Variants in CALHM3 observed in about 807,000 individuals in gnomAD.
CALHM3 encodes the protein calcium homeostasis modulator 3, also known as calcium homeostasis modulator protein 3.
A neutral mutation model predicts 13.6 loss-of-function variants in CALHM3; 9 were observed. The ratio of observed to expected loss-of-function variants is 0.66; its 90% CI spans 0.40 to 1.15. The LOEUF (loss-of-function observed/expected upper bound fraction) is 1.15, where lower values mean the gene tolerates loss of function less well. CALHM3 is among the 50% of genes most tolerant of loss of function. CALHM3 has a pLI of 0.01. For missense variants in CALHM3, 497 were observed against 463.4 expected, an observed-to-expected ratio of 1.07 and a Z score of -0.67; for synonymous variants, 231 against 213.2, an observed-to-expected ratio of 1.08 and a Z score of -0.73.
Position 103,473,429 on chromosome 10 carries a change from C to CACTGCGGGGGGCTCAGGG in CALHM3, c.818_819insCCCTGAGCCCCCCGCAGT (p.Ala272_Pro277dup). ...TATCCAGGCCTTCTGGGGGCTCAGG[C>CACTGCGGGGGGCTCAGGG]ACTGCGGGGAGCTCGAGTCTCCTGC... On this transcript the variant is annotated inframe_insertion, in exon 3 of 3. Transcript: ENST00000369783. 6.6e-7 allele frequency: 1 copy of CACTGCGGGGGGCTCAGGG among 1,525,724 alleles called. No individual in the cohort carries two copies. The highest frequency in any genetic ancestry group is 1.4e-5 in the African/African-American group (1 of 72,854). 94.5% of individuals were successfully genotyped at this position (1,525,724 alleles called of 1,614,324 possible).
In CALHM3 at chr10:103,479,189, G is replaced by T. The variant is rs1268150646; in HGVS notation, c.-157C>A. On this transcript the variant is annotated 5_prime_UTR_variant, in exon 1 of 3. In the 5' UTR this introduces an upstream ATG that the reference lacks. Transcript: ENST00000369783. ...GGGGCCAAGGAGGAAGCAGTGCCCA[G>T]GCCCCAGCCCAGGCTCCCGGGATCC... 9.5e-6 allele frequency: 8 copies of T among 837,778 alleles called. No homozygotes were observed. The highest frequency in any genetic ancestry group is 1.7e-5 in the African/African-American group (1 of 57,910). 51.9% of individuals were successfully genotyped at this position (837,778 alleles called of 1,614,324 possible). A position where few individuals can be genotyped will look rare whatever the true frequency, so the allele number is the denominator to read the frequency against.
intron 2 of CALHM3, among the ~76,000 whole-genome samples, chr10:103,474,701 C>T (rs773729524): frequency 2.6e-5 from 4 of 152,118 alleles, no homozygotes; most frequent in South Asian, 2.1e-4. Flanking sequence ...GTGATCCACC[C>T]GCCTCGGCCT....
rs1047479213 is a variant in CALHM3, at chr10:103,479,126, A to G, written c.-94T>C. ...CTGCTGTGCTGGGGACGAGCCTGGG[A>G]TCTGCAAGAGGTTCTCTCTCTGCTT... On this transcript the variant is annotated 5_prime_UTR_variant, in exon 1 of 3. Transcript: ENST00000369783. 7 of 1,355,812 alleles carry G rather than the reference A, an allele frequency of 5.2e-6. No homozygotes were observed. Among genetic ancestry groups the G allele is most frequent in the Non-Finnish European group, 7.0e-6 (7 of 1,005,504 alleles). 84.0% of individuals were successfully genotyped at this position (1,355,812 alleles called of 1,614,324 possible).
chr10:103,478,489 C>G (rs2033415866), intron 1 of CALHM3, among the ~76,000 whole-genome samples: 1 of 152,206 alleles, frequency 6.6e-6, no homozygotes, highest in Non-Finnish European at 1.5e-5. Flanking sequence ...ATGTTTACAG[C>G]ACTGGCCACG....
In CALHM3 at chr10:103,473,564, G is replaced by A. The variant is rs1462647186; in HGVS notation, c.684C>T (p.Asp228=). The part of the protein sequence containing the change: ...NYVDLEQKLF[D]ETCCEHARDF... ...CCCGCGCATGCTCACAGCAGGTCTC[G>A]TCGAAGAGCTTCTGCTCCAGGTCCA... The change falls in exon 3 of 3, where the codon GAC becomes GAT. Residue 228 remains aspartate, a synonymous_variant. Coordinates refer to ENST00000369783, the MANE Select transcript of CALHM3 (RefSeq NM_001129742.2). The A allele has an allele frequency of 1.3e-6, 2 of 1,551,188 alleles. No homozygotes were observed. Among genetic ancestry groups the A allele is most frequent in the Non-Finnish European group, 1.7e-6 (2 of 1,147,038 alleles).
At chr10:103,476,678 C>T (rs1033050982) in intron 1 of CALHM3, 129 bp from the exon 2 acceptor site, 4 of 1,156,512 alleles carry the variant, frequency 3.5e-6, no homozygotes, top group Non-Finnish European at 3.6e-6. Flanking sequence ...GTGTAGAGGT[C>T]CCAGTGACAG....
At position 103,473,159 on chromosome 10, in the gene CALHM3, T is replaced by C; in HGVS notation, c.*54A>G. ...ACGGCCTGGAAAGACTCCAGAACTT[T>C]GTCAGCGCGGCATTTCACCTGCGAA... On this transcript the variant is annotated 3_prime_UTR_variant, in exon 3 of 3. Coordinates refer to ENST00000369783, the MANE Select transcript of CALHM3 (RefSeq NM_001129742.2). The C allele has an allele frequency of 3.1e-6, 4 of 1,289,074 alleles. No individual in the cohort carries two copies. Among genetic ancestry groups the C allele is most frequent in the Non-Finnish European group, 3.9e-6 (4 of 1,012,912 alleles). The allele number at this position is 1,289,074 out of a possible 1,614,324, so 79.9% of individuals were successfully genotyped here. A position where few individuals can be genotyped will look rare whatever the true frequency, so the allele number is the denominator to read the frequency against.
chr10:103,473,113 G>A lies in CALHM3; in HGVS notation c.*100C>T, dbSNP rs1285100334. 2.5e-6 allele frequency: 3 copies of A among 1,206,232 alleles called. No homozygotes were observed. The East Asian group carries it at 9.4e-5, about 38-fold the overall frequency. 74.7% of individuals were successfully genotyped at this position (1,206,232 alleles called of 1,614,324 possible). On this transcript the variant is annotated 3_prime_UTR_variant, in exon 3 of 3. Coordinates refer to ENST00000369783, the MANE Select transcript of CALHM3 (RefSeq NM_001129742.2). ...TAAAAAGGAGGCTAACAAGACTTAG[G>A]GTGCCTGCCGTGGGGTCCCCACGGC...
chr10:103,473,156 C>G lies in CALHM3; in HGVS notation c.*57G>C. 1 of 1,288,790 alleles carries G rather than the reference C, an allele frequency of 7.8e-7. No homozygotes were observed. The highest frequency in any genetic ancestry group is 9.9e-7 in the Non-Finnish European group (1 of 1,012,802). The allele number at this position is 1,288,790 out of a possible 1,614,324, so 79.8% of individuals were successfully genotyped here. A position where few individuals can be genotyped will look rare whatever the true frequency, so the allele number is the denominator to read the frequency against. ...CCCACGGCCTGGAAAGACTCCAGAA[C>G]TTTGTCAGCGCGGCATTTCACCTGC... On this transcript the variant is annotated 3_prime_UTR_variant, in exon 3 of 3. Transcript: ENST00000369783.
At position 103,476,420 on chromosome 10, in the gene CALHM3, G is replaced by A. The variant is rs2033389206; in HGVS notation, c.417C>T (p.Asp139=). 1.3e-6 allele frequency: 2 copies of A among 1,551,750 alleles called. No individual in the cohort carries two copies. Among genetic ancestry groups the A allele is most frequent in the African/African-American group, 1.4e-5 (1 of 73,170 alleles). Residue 139 remains aspartate (D), a synonymous_variant, in exon 2 of 3, where the codon GAC becomes GAT. Coordinates refer to ENST00000369783, the MANE Select transcript of CALHM3 (RefSeq NM_001129742.2). ...CCTGGCTGGGGGTCATGTTGGCAAA[G>A]TCCAGAAACTTCTCAGGGTCCACAG... is the stretch of plus-strand genomic sequence containing the variant. ...SSSVDPEKFL[D]FANMTPSQVQ... is the part of the protein sequence containing the mutation.
chr10:103,479,056 G>T lies in CALHM3; in HGVS notation c.-24C>A, dbSNP rs770856123. 2.3e-5 allele frequency: 35 copies of T among 1,530,618 alleles called. No individual in the cohort carries two copies. In the African/African-American group the frequency reaches 4.3e-4, roughly 19 times the overall value. 94.8% of individuals were successfully genotyped at this position (1,530,618 alleles called of 1,614,324 possible). A position where few individuals can be genotyped will look rare whatever the true frequency, so the allele number is the denominator to read the frequency against. Reference sequence around the variant, plus strand: ...ATGGCTCCAGCCTGGGTGGGTGGGCGGCCGTCGGTTCGGCTCAGTGAGGCT... The same window carrying T: ...ATGGCTCCAGCCTGGGTGGGTGGGCTGCCGTCGGTTCGGCTCAGTGAGGCT... On this transcript the variant is annotated 5_prime_UTR_variant, in exon 1 of 3. Coordinates refer to ENST00000369783, the MANE Select transcript of CALHM3 (RefSeq NM_001129742.2).
In CALHM3 at chr10:103,472,906, T is replaced by A. The variant is rs2033337945; in HGVS notation, c.*307A>T. 3.1e-6 allele frequency: 1 copy of A among 323,326 alleles called. No homozygotes were observed. The highest frequency in any genetic ancestry group is 5.6e-6 in the Non-Finnish European group (1 of 178,682). The allele number at this position is 323,326 out of a possible 1,614,324, so 20.0% of individuals were successfully genotyped here. On this transcript the variant is annotated 3_prime_UTR_variant, in exon 3 of 3. Transcript: ENST00000369783. ...TAGATTCTTGCTACTCAAAGTTTGG[T>A]TCACTGACCAAAAGCACATCAGCCT... is the stretch of plus-strand genomic sequence containing the variant.
rs766523333 is a variant in CALHM3, at chr10:103,473,626, T to A, written c.622A>T (p.Thr208Ser). 5 of 1,551,086 alleles carry A rather than the reference T, an allele frequency of 3.2e-6. No individual in the cohort carries two copies. The highest frequency in any genetic ancestry group is 3.5e-6 in the Non-Finnish European group (4 of 1,146,968). Residue 208 changes from threonine to serine, a missense_variant, in exon 3 of 3, where the codon ACA becomes TCA. Physicochemically the swap from Thr to Ser is moderately conservative, Grantham distance 58. Coordinates refer to ENST00000369783, the MANE Select transcript of CALHM3 (RefSeq NM_001129742.2). ...CAGTATCTGCGCTGCAGGAAGACTG[T>A]CTGGTCGAAGCAGGGCCTCAGGCAG... ...ARCLRPCFDQ[T>S]VFLQRRYWSN...
chr10:103,475,871 C>T (rs184522667), intron 2 of CALHM3, among the ~76,000 whole-genome samples: 3 of 152,014 alleles, frequency 2.0e-5, no homozygotes, highest in Admixed American at 6.5e-5. Context: ...CTGGAGAGAG[C>T]CTGCATTGTT....
Position 103,472,886 on chromosome 10 carries a change from T to A in CALHM3, c.*327A>T. ...GAACCCATGGCAGATTTACTTAGAT[T>A]CTTGCTACTCAAAGTTTGGTTCACT... On this transcript the variant is annotated 3_prime_UTR_variant, in exon 3 of 3. Transcript: ENST00000369783. The A allele has an allele frequency of 3.4e-6, 1 of 291,986 alleles. No individual in the cohort carries two copies. 18.1% of individuals were successfully genotyped at this position (291,986 alleles called of 1,614,324 possible).
chr10:103,474,364 C>T (rs578108033), intron 2 of CALHM3, among the ~76,000 whole-genome samples: 2 of 152,314 alleles, frequency 1.3e-5, no homozygotes, highest in South Asian at 4.1e-4. Context: ...TTCATTCATG[C>T]TCTCATATGC....
chr10:103,476,953 C>A (rs2033397084), intron 1 of CALHM3, among the ~76,000 whole-genome samples: 1 of 152,184 alleles, frequency 6.6e-6, no homozygotes, highest in South Asian at 2.1e-4. Context: ...GAAAAGTTAA[C>A]CCCCAAATCA....
chr10:103,473,412 C>T lies in CALHM3; in HGVS notation c.836G>A (p.Gly279Asp). 6.7e-7 allele frequency: 1 copy of T among 1,492,368 alleles called. No homozygotes were observed. Among genetic ancestry groups the T allele is most frequent in the Non-Finnish European group, 8.9e-7 (1 of 1,127,380 alleles). 92.4% of individuals were successfully genotyped at this position (1,492,368 alleles called of 1,614,324 possible). ...ELPAVPEPPE[G>D]LDSGSGKAHL... ...GGCCTTCCCACTTCCACTATCCAGG[C>T]CTTCTGGGGGCTCAGGCACTGCGGG... Residue 279 changes from glycine (G) to aspartate (D), a missense_variant, in exon 3 of 3, where the codon GGC (glycine) becomes GAC (aspartate). Transcript: ENST00000369783.
At chr10:103,473,771 G>T (rs1053743756) in intron 2 of CALHM3, 67 bp from the exon 3 acceptor site, 4 of 1,413,862 alleles carry the variant, frequency 2.8e-6, no homozygotes, top group Non-Finnish European at 2.8e-6. Context: ...ATGTATTTAT[G>T]AATACGTATA....
Sources: allele counts gnomAD v4.1 joint callset (sites outside exome capture counted in the v4.1 genomes callset), GRCh38; gene constraint gnomAD v4.1.1; transcripts MANE v1.5; gene names NCBI Gene and HGNC (gene_info 2026-07-23, HGNC 2026-07-21).